Variants in PKD1L3 observed in about 807,000 individuals in gnomAD.
PKD1L3 encodes the protein polycystin-1-like protein 3.
Under a neutral mutation model 184.1 loss-of-function variants are expected in PKD1L3, and 239 were observed. The observed-to-expected ratio is 1.30, with a 90% confidence interval of 1.17 to 1.45. The LOEUF (loss-of-function observed/expected upper bound fraction) is 1.45, where lower values mean the gene tolerates loss of function less well. Among genes scored for constraint, PKD1L3 ranks in the 40% most tolerant of loss-of-function variants. PKD1L3 has a pLI of 0.00. For missense variants in PKD1L3, 2,660 were observed against 2,067.2 expected (o/e 1.29, Z -5.56); for synonymous variants, 996 against 778.8 (o/e 1.28, Z -4.64).
intron 15 of PKD1L3, among the ~76,000 whole-genome samples, chr16:71,966,057 T>A (rs776901192): frequency 2.6e-5 from 4 of 152,090 alleles, no homozygotes; most frequent in Non-Finnish European, 4.4e-5. Flanking sequence ...TATTAGGCTC[T>A]ACCAGCCCAG....
chr16:71,976,167 T>C (rs1421330844), intron 11 of PKD1L3, among the ~76,000 whole-genome samples: 2 of 151,716 alleles, frequency 1.3e-5, no homozygotes. Context: ...AGCGTAGTCT[T>C]AAACTCCTGA....
intron 12 of PKD1L3, among the ~76,000 whole-genome samples, chr16:71,970,509 G>C (rs1026501825): frequency 3.3e-5 from 5 of 152,158 alleles, no homozygotes; most frequent in African/African-American, 4.8e-5. Context: ...CTATACAGCA[G>C]TTAAAAATGA....
intron 22 of PKD1L3, among the ~76,000 whole-genome samples, chr16:71,945,149 A>G (rs1225166009): frequency 8.0e-6 from 1 of 125,054 alleles, no homozygotes; most frequent in African/African-American, 2.9e-5. Flanking sequence ...AGTGGATCAC[A>G]CTTTGGGAGC....
At chr16:71,972,035 T>G (rs530402450) in intron 12 of PKD1L3, among the ~76,000 whole-genome samples, 1 of 151,498 alleles carries the variant, frequency 6.6e-6, no homozygotes, top group Non-Finnish European at 1.5e-5. Flanking sequence ...GCTAACACGG[T>G]GAAACCCTGT....
At position 71,967,244 on chromosome 16, in the gene PKD1L3, G is replaced by A; in HGVS notation, c.2358C>T (p.Val786=). The change falls in exon 15 of 30, where the codon GTC becomes GTT. Residue 786 remains valine (V), a synonymous_variant. Transcript: ENST00000620267. ...PHHLCDPQKT[V]FERGGLDVFL... ...AGACATCCAGGCCCCCTCGTTCAAA[G>A]ACTGTCTTCTGGGGGTCACAGAGGT... 6.4e-7 allele frequency: 1 copy of A among 1,551,672 alleles called. No individual in the cohort carries two copies. The highest frequency in any genetic ancestry group is 2.0e-5 in the Admixed American group (1 of 50,998).
At chr16:71,970,262 T>C (rs1482473605) in intron 12 of PKD1L3, among the ~76,000 whole-genome samples, 157 bp from the exon 13 acceptor site, 2 of 152,204 alleles carry the variant, frequency 1.3e-5, no homozygotes, top group African/African-American at 4.8e-5. Flanking sequence ...ATGTGGAAAG[T>C]AATTTAGCAA....
rs1220947390 is a variant in PKD1L3 at position 71,973,518 on chromosome 16, C to G, written c.1760-1G>C. 3.9e-6 allele frequency: 6 copies of G among 1,550,802 alleles called. No homozygotes were observed. The South Asian group carries it at 7.1e-5, about 18-fold the overall frequency. On this transcript the variant is annotated splice_acceptor_variant, in intron 11 of 29. Transcript: ENST00000620267. LOFTEE classifies it high-confidence loss of function. Reference sequence around the variant, plus strand: ...TTCAGCACCCACGTGTACTCCTCATCTTAGAACAAAGAAGAGTGCTTACTT... The same window carrying G: ...TTCAGCACCCACGTGTACTCCTCATGTTAGAACAAAGAAGAGTGCTTACTT...
chr16:71,989,102 G>T (rs2040488873), intron 4 of PKD1L3, among the ~76,000 whole-genome samples: 1 of 152,134 alleles, frequency 6.6e-6, no homozygotes, highest in Non-Finnish European at 1.5e-5. Flanking sequence ...CAATTTCAAG[G>T]GCTAGTGGTT....
Position 71,949,806 on chromosome 16 carries a change from T to A in PKD1L3, c.3595A>T (p.Ile1199Phe). 6.4e-7 allele frequency: 1 copy of A among 1,550,966 alleles called. No individual in the cohort carries two copies. Among genetic ancestry groups the A allele is most frequent in the East Asian group, 2.4e-5 (1 of 40,920 alleles). The change falls in exon 21 of 30, where the codon ATC becomes TTC. Residue 1199 changes from isoleucine (I) to phenylalanine (F), a missense_variant. Coordinates refer to ENST00000620267, the MANE Select transcript of PKD1L3 (RefSeq NM_181536.2). ...ACCTTTACTGGCTGGCTGATGAAGA[T>A]GTTCTGAAGCACTGATAAAATAATT... The part of the protein sequence containing the change: ...ISIILSVLQN[I>F]FISQPVKVVF...
chr16:71,953,428 G>T (rs992625503), intron 17 of PKD1L3, among the ~76,000 whole-genome samples: 9 of 106,802 alleles, frequency 8.4e-5, no homozygotes, highest in Admixed American at 3.0e-4. Context: ...GAGGCCTCAG[G>T]AAACTCACTG....
intron 21 of PKD1L3, among the ~76,000 whole-genome samples, chr16:71,948,448 C>T (rs920550848): frequency 3.3e-5 from 5 of 151,974 alleles, no homozygotes; most frequent in African/African-American, 1.2e-4. Flanking sequence ...CTTGAACTCC[C>T]AACCTCAAGT....
chr16:71,988,193 G>A (rs2040447999), intron 4 of PKD1L3, among the ~76,000 whole-genome samples: 1 of 152,014 alleles, frequency 6.6e-6, no homozygotes, highest in Admixed American at 6.6e-5. Context: ...AAGTTCATTT[G>A]TAAATTTTTT....
chr16:71,937,149 A>G (rs1390924821), intron 25 of PKD1L3, 143 bp downstream of exon 25: 7 of 786,298 alleles, frequency 8.9e-6, no homozygotes, highest in Non-Finnish European at 1.4e-5. Flanking sequence ...TCTGCCTCCC[A>G]GGCTCAAGCA....
intron 11 of PKD1L3, 108 bp downstream of exon 11, chr16:71,977,128 C>T: frequency 1.2e-6 from 1 of 821,212 alleles, no homozygotes; most frequent in South Asian, 1.7e-5. Flanking sequence ...CAGGAGGATC[C>T]CCTGAGCCTG....
At chr16:71,971,809 T>C (rs1597343034) in intron 12 of PKD1L3, among the ~76,000 whole-genome samples, 1 of 152,144 alleles carries the variant, frequency 6.6e-6, no homozygotes, top group African/African-American at 2.4e-5. Flanking sequence ...AAGAATCCTC[T>C]CTCTGTCATG....
rs1166250120 is a variant in PKD1L3, at chr16:71,958,366, G to A, written c.2613-4065C>T. Among the ~76,000 whole-genome samples the A allele has an allele frequency of 7.6e-5, 10 of 130,838 alleles. No individual in the cohort carries two copies. In the South Asian group the frequency reaches 1.0e-3, roughly 14 times the overall value. 85.8% of individuals were successfully genotyped at this position (130,838 alleles called of 152,430 possible). Reference sequence around the variant, plus strand: ...CCCGCCACTGCACTCCAGCCTGGGCGACAGAGCGAGACTCCGTCTCAAAAA... The same window carrying A: ...CCCGCCACTGCACTCCAGCCTGGGCAACAGAGCGAGACTCCGTCTCAAAAA... On this transcript the variant is annotated intron_variant, in intron 16 of 29. Transcript: ENST00000620267.
chr16:71,950,400 T>TGA (rs1289290319), intron 19 of PKD1L3, 90 bp from the exon 20 acceptor site: 2 of 1,177,644 alleles, frequency 1.7e-6, no homozygotes, highest in Non-Finnish European at 2.4e-6. Context: ...TGATGGATGA[T>TGA]GAGGCTATAT....
intron 4 of PKD1L3, 84 bp downstream of exon 4, chr16:71,990,196 A>G (rs1175135349): frequency 8.0e-7 from 1 of 1,242,866 alleles, no homozygotes; most frequent in Non-Finnish European, 1.1e-6. Context: ...AGAACACTCT[A>G]CAAGATAGAG....
In PKD1L3 at chr16:71,999,851, C is replaced by G; in HGVS notation, c.128G>C (p.Ser43Thr). The G allele has an allele frequency of 1.3e-6, 2 of 1,551,744 alleles. No individual in the cohort carries two copies. The highest frequency in any genetic ancestry group is 8.7e-7 in the Non-Finnish European group (1 of 1,147,006). Residue 43 changes from serine (S) to threonine (T), a missense_variant, in exon 1 of 30, where the codon AGC (serine) becomes ACC (threonine). Physicochemically the swap from Ser to Thr is moderately conservative, Grantham distance 58. Coordinates refer to ENST00000620267, the MANE Select transcript of PKD1L3 (RefSeq NM_181536.2). ...NCYQLNRFQC[S>T]FEEAQHYCHV... ...ACAGTAATGCTGTGCTTCCTCAAAGCTGCATTGAAATCTGTTAAGCTGGTA... is the reference window on the plus strand; with the variant it reads ...ACAGTAATGCTGTGCTTCCTCAAAGGTGCATTGAAATCTGTTAAGCTGGTA...
Sources: gnomAD v4.1 joint callset for allele counts (sites outside exome capture counted in the v4.1 genomes callset) on GRCh38, gnomAD v4.1.1 for gene constraint, MANE v1.5 for transcripts, NCBI Gene and HGNC (gene_info 2026-07-23, HGNC 2026-07-21) for gene names.